PTPRN2: variants seen among roughly 807,000 people sequenced by gnomAD.
PTPRN2 encodes receptor-type tyrosine-protein phosphatase N2.
In PTPRN2, 74 loss-of-function variants were observed where a neutral mutation model predicts 118.8. The ratio of observed to expected loss-of-function variants is 0.62; its 90% confidence interval spans 0.52 to 0.76. The LOEUF (loss-of-function observed/expected upper bound fraction) is 0.76, where lower values mean the gene tolerates loss of function less well. Among genes scored for constraint, PTPRN2 ranks in the 30% least tolerant of loss-of-function variants. The pLI, the probability that PTPRN2 is intolerant of heterozygous loss-of-function variation, is 0.00. For synonymous variants in PTPRN2, 641 were observed against 608.0 expected (o/e 1.05, Z -0.80); for missense variants, 1,481 against 1,394.4 (o/e 1.06, Z -0.99).
At chr7:157,542,607 G>A (rs1470387671) in intron 22 of PTPRN2, among the ~76,000 whole-genome samples, 12 of 152,306 alleles carry the variant, frequency 7.9e-5, no homozygotes, top group Middle Eastern at 3.4e-3. Flanking sequence ...GGGAGGGGAC[G>A]GGCAGGGGGA....
rs1241149989 is a variant in PTPRN2 at position 158,519,826 on chromosome 7, G to C, written c.113-30041C>G. On this transcript the variant is annotated intron_variant, in intron 1 of 22. Coordinates refer to ENST00000389418, the MANE Select transcript of PTPRN2 (RefSeq NM_002847.5). ...AAGGGTTACCCAATGCCTCCCCCATGGCATGGAAATTCTCCATTTTCCCCA... is the reference window on the plus strand; with the variant it reads ...AAGGGTTACCCAATGCCTCCCCCATCGCATGGAAATTCTCCATTTTCCCCA... 2.0e-5 allele frequency among the ~76,000 whole-genome samples: 3 copies of C among 152,210 alleles called. No individual in the cohort carries two copies. The South Asian group carries it at 6.2e-4, about 32-fold the overall frequency.
chr7:157,823,889 G>T (rs1196475757), intron 12 of PTPRN2, among the ~76,000 whole-genome samples: 1 of 152,178 alleles, frequency 6.6e-6, no homozygotes, highest in Non-Finnish European at 1.5e-5. Flanking sequence ...AATCTGGAGG[G>T]CAAAGTGGGG....
At chr7:158,318,550 C>G (rs1185744169) in intron 2 of PTPRN2, among the ~76,000 whole-genome samples, 2 of 152,172 alleles carry the variant, frequency 1.3e-5, no homozygotes, top group African/African-American at 2.4e-5. Flanking sequence ...CAGTGACCAC[C>G]TAATCCTAGG....
At chr7:158,490,693 G>C (rs1231829963) in intron 1 of PTPRN2, among the ~76,000 whole-genome samples, 2 of 152,248 alleles carry the variant, frequency 1.3e-5, no homozygotes, top group Non-Finnish European at 2.9e-5. Flanking sequence ...TGAACGCGCA[G>C]TGTCTTTCAC....
chr7:158,478,472 C>A (rs962695803), intron 2 of PTPRN2, among the ~76,000 whole-genome samples: 1 of 152,156 alleles, frequency 6.6e-6, no homozygotes, highest in Non-Finnish European at 1.5e-5. Context: ...GGCAGAGGCC[C>A]GCTCTGCGTC....
At chr7:158,352,063 T>A (rs71544577) in intron 2 of PTPRN2, among the ~76,000 whole-genome samples, 159 of 20,558 alleles carry the variant, frequency 7.7e-3, no homozygotes, top group South Asian at 0.012. Flanking sequence ...TCCCCTCCTG[T>A]CCGCTCCCCT....
intron 12 of PTPRN2, among the ~76,000 whole-genome samples, chr7:157,728,415 G>A (rs933836109): frequency 5.9e-5 from 9 of 152,274 alleles, no homozygotes; most frequent in Admixed American, 4.6e-4. Flanking sequence ...CAGGGCTCCT[G>A]GCGCCCATGG....
intron 2 of PTPRN2, among the ~76,000 whole-genome samples, chr7:158,398,167 T>C (rs1232873373): frequency 2.0e-5 from 3 of 152,234 alleles, no homozygotes; most frequent in South Asian, 2.1e-4. Context: ...TCATCATTCA[T>C]AGGAGAATGC....
intron 2 of PTPRN2, among the ~76,000 whole-genome samples, chr7:158,321,113 G>A (rs143507540): frequency 9.2e-4 from 139 of 151,296 alleles, no homozygotes; most frequent in African/African-American, 2.2e-3. Flanking sequence ...GAGTCGGGAC[G>A]CCAGGGGTGA....
At chr7:158,587,057 G>A (rs1269704157) in intron 1 of PTPRN2, among the ~76,000 whole-genome samples, 2 of 151,974 alleles carry the variant, frequency 1.3e-5, no homozygotes, top group Admixed American at 6.5e-5. Context: ...CCAGAGCCTG[G>A]GGGTGTCGCG....
intron 2 of PTPRN2, among the ~76,000 whole-genome samples, chr7:158,336,371 G>C (rs193092004): frequency 2.2e-5 from 3 of 137,124 alleles, no homozygotes; most frequent in Non-Finnish European, 3.1e-5. Context: ...CACCATAAGA[G>C]CTGACACATG....
intron 9 of PTPRN2, among the ~76,000 whole-genome samples, chr7:158,120,522 G>A (rs1191796321): frequency 2.0e-5 from 3 of 152,108 alleles, no homozygotes; most frequent in Non-Finnish European, 4.4e-5. Context: ...AGTTCCTGCT[G>A]GATCCCTGGC....
intron 12 of PTPRN2, among the ~76,000 whole-genome samples, chr7:157,706,522 C>T (rs189399068): frequency 1.4e-4 from 22 of 151,842 alleles, no homozygotes; most frequent in Non-Finnish European, 2.4e-4. Flanking sequence ...TCTAGAATGC[C>T]GGGAACTGAG....
chr7:157,839,169 C>A (rs888640144), intron 12 of PTPRN2, among the ~76,000 whole-genome samples: 26 of 152,276 alleles, frequency 1.7e-4, no homozygotes, highest in African/African-American at 6.3e-4. Context: ...TGGCACAAGA[C>A]AGATTAACAC....
At chr7:158,531,093 CTG>C (rs1825198792) in intron 1 of PTPRN2, among the ~76,000 whole-genome samples, 1 of 152,244 alleles carries the variant, frequency 6.6e-6, no homozygotes, top group Non-Finnish European at 1.5e-5. Flanking sequence ...CCACAACAGA[CTG>C]TGTTCAAAGC....
chr7:158,257,591 A>G (rs980054234), intron 3 of PTPRN2, among the ~76,000 whole-genome samples: 1 of 152,170 alleles, frequency 6.6e-6, no homozygotes, highest in African/African-American at 2.4e-5. Flanking sequence ...CAGTTGGGTG[A>G]GCAAGCGTGC....
At chr7:157,886,962 C>A (rs768331478) in intron 12 of PTPRN2, among the ~76,000 whole-genome samples, 1 of 151,950 alleles carries the variant, frequency 6.6e-6, no homozygotes, top group Non-Finnish European at 1.5e-5. Context: ...GTCAGCTGAG[C>A]CCACCCATGA....
At chr7:158,274,498 A>AGGGGGAGCCACAGGCACG (rs1798826420) in intron 3 of PTPRN2, among the ~76,000 whole-genome samples, 3 of 130,062 alleles carry the variant, frequency 2.3e-5, no homozygotes, top group East Asian at 2.2e-4. Flanking sequence ...CCGCAGGCAC[A>AGGGGGAGCCACAGGCACG]GGGGGAGCCA....
intron 11 of PTPRN2, among the ~76,000 whole-genome samples, chr7:158,002,879 G>A (rs1174363761): frequency 6.6e-6 from 1 of 152,220 alleles, no homozygotes; most frequent in African/African-American, 2.4e-5. Context: ...GCGTGGACAC[G>A]GCTGGGCTGG....
Sources: gnomAD v4.1 joint callset for allele counts (sites outside exome capture counted in the v4.1 genomes callset) on GRCh38, gnomAD v4.1.1 for gene constraint, MANE v1.5 for transcripts, NCBI Gene and HGNC (gene_info 2026-07-23, HGNC 2026-07-21) for gene names.